PHB1: variants seen among roughly 807,000 people sequenced by gnomAD.
PHB1 encodes the protein prohibitin 1.
At chr17:49,411,772 T>C in the PHB1 span, 2 of 1,613,972 alleles carry the variant, frequency 1.2e-6, no homozygotes, top group South Asian at 2.2e-5. Flanking sequence ...AATGAGTCCC[T>C]TCCCCTACCA....
the PHB1 span, chr17:49,412,285 T>C: frequency 3.6e-5 from 6 of 166,054 alleles, no homozygotes; most frequent in African/African-American, 1.4e-4. Context: ...AGCCTACTCT[T>C]TCTTCCTAAT....
the PHB1 span, chr17:49,412,959 G>C: frequency 2.0e-6 from 1 of 497,054 alleles, no homozygotes. Context: ...GGGCTGGGAA[G>C]CTCTTTTTGA....
the PHB1 span, among the ~76,000 whole-genome samples, chr17:49,407,635 T>C: frequency 6.6e-6 from 1 of 152,222 alleles, no homozygotes; most frequent in Admixed American, 6.5e-5. Context: ...TTATTCATCC[T>C]AATTTTTATT....
the PHB1 span, among the ~76,000 whole-genome samples, chr17:49,410,955 G>A: frequency 6.6e-6 from 1 of 152,150 alleles, no homozygotes. Flanking sequence ...GGACAATTCA[G>A]GCCTGCCTGG....
chr17:49,405,771 C>T, the PHB1 span, among the ~76,000 whole-genome samples: 1 of 151,114 alleles, frequency 6.6e-6, no homozygotes, highest in African/African-American at 2.4e-5. Flanking sequence ...CTGTCACAAA[C>T]AAACAAACAA....
the PHB1 span, chr17:49,404,508 C>A: frequency 4.7e-6 from 1 of 212,766 alleles, no homozygotes; most frequent in Non-Finnish European, 9.5e-6. Context: ...CCCGGCACCT[C>A]TCTTCAGCAG....
chr17:49,409,833 G>T, the PHB1 span, among the ~76,000 whole-genome samples: 1 of 151,884 alleles, frequency 6.6e-6, no homozygotes, highest in African/African-American at 2.4e-5. Context: ...ACCGCACCTG[G>T]CCACAAGTGG....
the PHB1 span, among the ~76,000 whole-genome samples, chr17:49,410,040 G>A: frequency 6.6e-6 from 1 of 151,550 alleles, no homozygotes; most frequent in African/African-American, 2.4e-5. Flanking sequence ...AGACCACCAC[G>A]CCCAGCTAAT....
chr17:49,413,063 G>A, the PHB1 span: 1 of 750,052 alleles, frequency 1.3e-6, no homozygotes. Flanking sequence ...GAGCCCTCTT[G>A]GCCACAAACA....
At chr17:49,411,208 T>G in the PHB1 span, among the ~76,000 whole-genome samples, 1 of 150,862 alleles carries the variant, frequency 6.6e-6, no homozygotes, top group African/African-American at 2.4e-5. Context: ...GCTTTTTTTT[T>G]TTTTTTTTTT....
the PHB1 span, among the ~76,000 whole-genome samples, chr17:49,413,464 G>A: frequency 1.4e-5 from 2 of 147,182 alleles, no homozygotes; most frequent in African/African-American, 5.0e-5. Context: ...CTTGGAAAGT[G>A]TACTATCAAT....
chr17:49,412,044 T>C, the PHB1 span: 21 of 546,972 alleles, frequency 3.8e-5, no homozygotes, highest in East Asian at 2.4e-4. Flanking sequence ...TCCCCAAGGA[T>C]TGGTAATAGG....
the PHB1 span, chr17:49,406,884 G>A: frequency 6.6e-7 from 1 of 1,506,826 alleles, no homozygotes; most frequent in Non-Finnish European, 9.2e-7. Context: ...ACAAGATGAG[G>A]CAGTGTGATT....
At chr17:49,410,080 G>A in the PHB1 span, among the ~76,000 whole-genome samples, 10 of 149,526 alleles carry the variant, frequency 6.7e-5, no homozygotes, top group Admixed American at 1.3e-4. Context: ...CTGGGGTTTC[G>A]CCATATTTCC....
chr17:49,406,708 G>T, the PHB1 span: 2 of 1,288,196 alleles, frequency 1.6e-6, no homozygotes, highest in Non-Finnish European at 2.3e-6. Context: ...GGGAAGCTGA[G>T]TGCCGGAGAA....
chr17:49,414,473 T>A, the PHB1 span: 1 of 152,150 alleles, frequency 6.6e-6, no homozygotes, highest in South Asian at 2.1e-4. Context: ...CATGTAACTT[T>A]CTAACGCTCC....
At chr17:49,413,482 CT>C in the PHB1 span, among the ~76,000 whole-genome samples, 56,940 of 134,454 alleles carry the variant, frequency 0.42, 12,876 homozygotes, top group African/African-American at 0.64. Context: ...AATTCTTCTG[CT>C]TTTTTTTTTT....
At chr17:49,407,211 T>C in the PHB1 span, 4 of 227,926 alleles carry the variant, frequency 1.8e-5, no homozygotes, top group African/African-American at 6.6e-5. Flanking sequence ...CGCCACTGAC[T>C]AGTGCTCTTC....
the PHB1 span, chr17:49,412,569 G>A: frequency 5.9e-5 from 9 of 152,720 alleles, no homozygotes; most frequent in African/African-American, 2.2e-4. Context: ...ATGTGAAAGT[G>A]TCAGAATGTC....
Sources: allele counts gnomAD v4.1 joint callset (sites outside exome capture counted in the v4.1 genomes callset), GRCh38; gene constraint gnomAD v4.1.1; transcripts MANE v1.5; gene names NCBI Gene and HGNC (gene_info 2026-07-23, HGNC 2026-07-21).